The following NCOA2 variants were observed in gnomAD, a reference collection of about 807,000 sequenced individuals.
NCOA2 encodes the protein class E basic helix-loop-helix protein 75.
In NCOA2, 21 loss-of-function variants were observed where a neutral mutation model predicts 145.1. The observed-to-expected ratio is 0.14, with a 90% CI of 0.10 to 0.21. The LOEUF (loss-of-function observed/expected upper bound fraction) is 0.21. NCOA2 is among the 10% of genes least tolerant of loss of function. The pLI is 1.00. For synonymous variants in NCOA2, 619 were observed against 637.5 expected (o/e 0.97, Z 0.44); for missense variants, 1,472 against 1,837.6 (o/e 0.80, Z 3.64).
the NCOA2 span, among the ~76,000 whole-genome samples, chr8:70,420,706 G>A: frequency 2.0e-5 from 3 of 152,130 alleles, no homozygotes; most frequent in South Asian, 2.1e-4. Flanking sequence ...GAGTGCAGGC[G>A]CGATCTCTGC....
intron 2 of NCOA2, among the ~76,000 whole-genome samples, chr8:70,274,205 G>GAA (rs201704083): frequency 0.019 from 2,105 of 112,086 alleles, 45 homozygotes; most frequent in African/African-American, 0.058. Flanking sequence ...CTCATGTTTG[G>GAA]AAAAAAAAAA....
chr8:70,397,974 C>T (rs1691144716), intron 1 of NCOA2, among the ~76,000 whole-genome samples: 1 of 152,074 alleles, frequency 6.6e-6, no homozygotes, highest in Admixed American at 6.5e-5. Context: ...TGTCCCCTCC[C>T]ACCTCCCCAA....
chr8:70,408,094 C>T (rs145782046), upstream of NCOA2, among the ~76,000 whole-genome samples: 25 of 152,268 alleles, frequency 1.6e-4, no homozygotes, highest in East Asian at 4.8e-3. Flanking sequence ...TACACCCACA[C>T]TCATTCCAGG....
chr8:70,141,887 G>C (rs34768091), intron 13 of NCOA2, among the ~76,000 whole-genome samples: 10,351 of 152,228 alleles, frequency 0.068, 489 homozygotes, highest in Non-Finnish European at 0.11. Context: ...CTTCAAAACT[G>C]ACCAAGAGTA....
At chr8:70,158,553 T>C (rs2977983) in intron 10 of NCOA2, among the ~76,000 whole-genome samples, 141,042 of 152,256 alleles carry the variant, frequency 0.93, 65,717 homozygotes, top group African/African-American at 0.98. Flanking sequence ...TTAGGCTAGG[T>C]GTGGTAGTCC....
intron 2 of NCOA2, among the ~76,000 whole-genome samples, chr8:70,257,939 ACT>A (rs1319997404): frequency 2.0e-5 from 3 of 150,492 alleles, no homozygotes; most frequent in Non-Finnish European, 3.0e-5. Flanking sequence ...TTTTTTTGAG[ACT>A]CTGTCTCGCT....
intron 1 of NCOA2, among the ~76,000 whole-genome samples, chr8:70,375,265 A>C (rs2131322845): frequency 6.6e-6 from 1 of 152,346 alleles, no homozygotes; most frequent in Admixed American, 6.5e-5. Context: ...CTATTAGTTA[A>C]ACTGATGCAA....
chr8:70,210,094 C>T (rs767196163), intron 4 of NCOA2, among the ~76,000 whole-genome samples: 17 of 152,186 alleles, frequency 1.1e-4, no homozygotes, highest in Non-Finnish European at 2.1e-4. Context: ...AGATTCCAGA[C>T]CCAGACTGCC....
At chr8:70,228,364 G>C (rs1820850361) in intron 2 of NCOA2, among the ~76,000 whole-genome samples, 1 of 152,172 alleles carries the variant, frequency 6.6e-6, no homozygotes, top group Non-Finnish European at 1.5e-5. Context: ...GTCAGAGACT[G>C]GGGGGACCCT....
At chr8:70,375,893 TCCTACTAATAC>T (rs568486450) in intron 1 of NCOA2, among the ~76,000 whole-genome samples, 1 of 152,256 alleles carries the variant, frequency 6.6e-6, no homozygotes, top group Non-Finnish European at 1.5e-5. Context: ...GCATGACTTT[TCCTACTAATAC>T]CCATTTGCTC....
intron 2 of NCOA2, among the ~76,000 whole-genome samples, chr8:70,276,933 T>G (rs1395404857): frequency 6.6e-6 from 1 of 152,212 alleles, no homozygotes. Context: ...GCTGTCTCAT[T>G]GTCTAAGTAA....
chr8:70,162,876 T>G (rs1441833163), intron 8 of NCOA2, 22 bp from the exon 9 acceptor site: 1 of 1,579,596 alleles, frequency 6.3e-7, no homozygotes, highest in Non-Finnish European at 8.6e-7. Context: ...CAGCAGGCAT[T>G]ATACCTACAT....
intron 11 of NCOA2, among the ~76,000 whole-genome samples, chr8:70,151,800 C>T (rs1001129578): frequency 2.0e-5 from 3 of 152,180 alleles, no homozygotes; most frequent in East Asian, 1.9e-4. Flanking sequence ...CATTAATTGT[C>T]GTAAGTTCAC....
chr8:70,359,107 G>A (rs369799235), intron 1 of NCOA2, among the ~76,000 whole-genome samples: 22 of 152,138 alleles, frequency 1.4e-4, no homozygotes, highest in South Asian at 1.2e-3. Context: ...AGGATGTAGC[G>A]AAATTAGAAA....
intron 4 of NCOA2, among the ~76,000 whole-genome samples, chr8:70,210,674 G>A (rs1424333833): frequency 6.6e-6 from 1 of 152,048 alleles, no homozygotes; most frequent in Non-Finnish European, 1.5e-5. Context: ...TATAAAAGTT[G>A]AGAAGTAACT....
intron 2 of NCOA2, among the ~76,000 whole-genome samples, chr8:70,269,611 A>T (rs906797140): frequency 6.6e-6 from 1 of 152,238 alleles, no homozygotes; most frequent in Non-Finnish European, 1.5e-5. Flanking sequence ...GCTAATAAAT[A>T]CAGGAAGAAA....
At position 70,297,134 on chromosome 8, in the gene NCOA2, T is replaced by A. The variant is rs961077311; in HGVS notation, c.-76-334A>T. On this transcript the variant is annotated intron_variant, in intron 1 of 22. Coordinates refer to ENST00000452400, the MANE Select transcript of NCOA2 (RefSeq NM_006540.4). ...CTTCCCTATGAGACAAAAAGCTGAG[T>A]AAAAGCAGGAGGCCCTAGTGACCTA... is the stretch of plus-strand genomic sequence containing the variant. 3.9e-5 allele frequency among the ~76,000 whole-genome samples: 6 copies of A among 152,238 alleles called. No homozygotes were observed. In the East Asian group the frequency reaches 1.2e-3, roughly 29 times the overall value.
At chr8:70,346,506 T>C (rs1222679160) in intron 1 of NCOA2, among the ~76,000 whole-genome samples, 1 of 152,208 alleles carries the variant, frequency 6.6e-6, no homozygotes, top group Non-Finnish European at 1.5e-5. Context: ...TGAACTTGAG[T>C]TGCCTGCCTT....
At position 70,156,329 on chromosome 8, in the gene NCOA2, T is replaced by C. The variant is rs1464198280; in HGVS notation, c.2036A>G (p.His679Arg). The C allele has an allele frequency of 1.1e-5, 18 of 1,613,770 alleles. No homozygotes were observed. Among genetic ancestry groups the C allele is most frequent in the African/African-American group, 2.7e-5 (2 of 74,886 alleles). Residue 679 changes from histidine to arginine, a missense_variant, in exon 11 of 23, where the codon CAT becomes CGT. His to Arg is a conservative substitution (Grantham distance 29). Around this residue, in one of 4 missense-constraint regions of NCOA2, gnomAD observed 953 missense variants for 1,062.1 expected, o/e 0.90. Transcript: ENST00000452400. Reference sequence around the variant, plus strand: ...ATGCTTCTCCTTGAGCGAGGTTCCATGTGTAGACCCAGAACCAGGCAAGCT... The same window carrying C: ...ATGCTTCTCCTTGAGCGAGGTTCCACGTGTAGACCCAGAACCAGGCAAGCT... The part of the protein sequence containing the change: ...TGSLPGSGST[H>R]GTSLKEKHKI...
Sources: gnomAD v4.1 joint callset for allele counts (sites outside exome capture counted in the v4.1 genomes callset) on GRCh38, gnomAD v4.1.1 for gene constraint, gnomAD v4.1.1 regional missense constraint, MANE v1.5 for transcripts, NCBI Gene and HGNC (gene_info 2026-07-23, HGNC 2026-07-21) for gene names.